Variants in NRXN1 observed in about 807,000 individuals in gnomAD.
The protein encoded by NRXN1 is neurexin-1.
In NRXN1, 39 loss-of-function variants were observed where a neutral mutation model predicts 150.9. The ratio of observed to expected loss-of-function variants is 0.26; its 90% CI spans 0.20 to 0.34. The LOEUF (loss-of-function observed/expected upper bound fraction) is 0.34. NRXN1 is among the 10% of genes least tolerant of loss of function. The pLI is 1.00. For missense variants in NRXN1, 1,815 were observed against 1,949.9 expected (o/e 0.93, Z 1.30); for synonymous variants, 924 against 757.0 (o/e 1.22, Z -3.62).
chr2:50,329,411 G>T (rs984076387), intron 17 of NRXN1, among the ~76,000 whole-genome samples: 1 of 150,548 alleles, frequency 6.6e-6, no homozygotes, highest in Non-Finnish European at 1.5e-5. Flanking sequence ...AATCTGGGAG[G>T]CCCATTGTGC....
At chr2:50,904,041 C>T (rs1683317748) in intron 5 of NRXN1, among the ~76,000 whole-genome samples, 1 of 152,108 alleles carries the variant, frequency 6.6e-6, no homozygotes, top group Non-Finnish European at 1.5e-5. Context: ...GCAAGGGCTC[C>T]AAGTCCTGCT....
chr2:50,736,315 A>G (rs1210781538), intron 5 of NRXN1, among the ~76,000 whole-genome samples: 1 of 152,072 alleles, frequency 6.6e-6, no homozygotes, highest in Non-Finnish European at 1.5e-5. Context: ...GTTTTCTCAG[A>G]TCCCTTCACT....
intron 5 of NRXN1, among the ~76,000 whole-genome samples, chr2:50,830,318 A>C (rs1407827254): frequency 6.6e-6 from 1 of 152,016 alleles, no homozygotes; most frequent in African/African-American, 2.4e-5. Flanking sequence ...ATTTTGTGAA[A>C]ATGAGCCAAG....
intron 15 of NRXN1, among the ~76,000 whole-genome samples, chr2:50,483,284 C>T (rs2090615601): frequency 1.3e-5 from 2 of 152,056 alleles, no homozygotes; most frequent in Admixed American, 6.6e-5. Context: ...GAATTTCCCA[C>T]TCATTTTCTG....
chr2:50,540,584 A>G (rs933982887), intron 9 of NRXN1, among the ~76,000 whole-genome samples: 2 of 151,848 alleles, frequency 1.3e-5, no homozygotes, highest in African/African-American at 4.8e-5. Context: ...TTAATGACAA[A>G]AGGAAAGGTG....
intron 5 of NRXN1, among the ~76,000 whole-genome samples, chr2:50,686,453 G>C (rs1204171200): frequency 6.6e-6 from 1 of 152,142 alleles, no homozygotes; most frequent in African/African-American, 2.4e-5. Context: ...TATGTCACTA[G>C]ATACAAGACC....
intron 8 of NRXN1, among the ~76,000 whole-genome samples, chr2:50,602,304 G>C (rs1676405394): frequency 1.3e-5 from 2 of 151,654 alleles, no homozygotes; most frequent in African/African-American, 4.8e-5. Context: ...GAAAAAAGAG[G>C]GTAGAGATCT....
intron 5 of NRXN1, among the ~76,000 whole-genome samples, chr2:50,774,093 G>A (rs1703321973): frequency 6.6e-6 from 1 of 152,064 alleles, no homozygotes; most frequent in Non-Finnish European, 1.5e-5. Context: ...AAGGAATGCT[G>A]GCAGGAGGCT....
At chr2:51,019,686 G>T (rs1167839402) in intron 2 of NRXN1, among the ~76,000 whole-genome samples, 1 of 152,048 alleles carries the variant, frequency 6.6e-6, no homozygotes, top group Non-Finnish European at 1.5e-5. Context: ...TCCAGCAGTT[G>T]AGTTGTTCTA....
intron 19 of NRXN1, among the ~76,000 whole-genome samples, chr2:50,065,633 C>A (rs1402131912): frequency 6.6e-6 from 1 of 152,126 alleles, no homozygotes; most frequent in Non-Finnish European, 1.5e-5. Context: ...GATCAAAGAC[C>A]TATAACAGTG....
In NRXN1 at chr2:50,387,915, G is replaced by A. The variant is rs561437457; in HGVS notation, c.3364+77527C>T. ...GGACAATAAATATCAAATCCACTAG[G>A]GGCTTGGGTAATGAAACACACGTCT... On this transcript the variant is annotated intron_variant, in intron 17 of 22. Transcript: ENST00000401669. Among the ~76,000 whole-genome samples, 72 of 152,210 alleles carry A rather than the reference G, an allele frequency of 4.7e-4. 1 individual carries two copies. Among genetic ancestry groups the A allele is most frequent in the African/African-American group, 1.7e-3 (71 of 41,548 alleles).
chr2:50,816,105 G>GT (rs1452004404), intron 5 of NRXN1, among the ~76,000 whole-genome samples: 2 of 151,988 alleles, frequency 1.3e-5, no homozygotes, highest in Non-Finnish European at 2.9e-5. Context: ...TTAAAATATT[G>GT]TATCTTTTTG....
chr2:50,822,442 T>C (rs1671907528), intron 5 of NRXN1, among the ~76,000 whole-genome samples: 1 of 152,128 alleles, frequency 6.6e-6, no homozygotes, highest in South Asian at 2.1e-4. Context: ...TAAAAATAAA[T>C]ATTTTTCTGC....
At chr2:50,275,675 T>A (rs946913687) in intron 17 of NRXN1, among the ~76,000 whole-genome samples, 4 of 152,104 alleles carry the variant, frequency 2.6e-5, no homozygotes, top group African/African-American at 9.7e-5. Flanking sequence ...TTGAGTCCCT[T>A]CTAATTCACT....
chr2:50,921,849 G>A lies in NRXN1; in HGVS notation c.832+20C>T, dbSNP rs201770560. ...TAATTCATACAGATGATATTAAGAA[G>A]AAATAAAATAATGTAATACCTTTAC... On this transcript the variant is annotated intron_variant, in intron 5 of 22. Coordinates refer to ENST00000401669, the MANE Select transcript of NRXN1 (RefSeq NM_001330078.2). 1 of 1,255,040 alleles carries A rather than the reference G, an allele frequency of 8.0e-7. No individual in the cohort carries two copies. The highest frequency in any genetic ancestry group is 1.8e-5 in the South Asian group (1 of 56,160). The allele number at this position is 1,255,040 out of a possible 1,614,324, so 77.7% of individuals were successfully genotyped here. A position where few individuals can be genotyped will look rare whatever the true frequency, so the allele number is the denominator to read the frequency against.
intron 5 of NRXN1, among the ~76,000 whole-genome samples, chr2:50,767,031 T>C (rs1702462087): frequency 6.6e-6 from 1 of 152,092 alleles, no homozygotes; most frequent in South Asian, 2.1e-4. Context: ...TTCCTGGTCC[T>C]GACTAACTTG....
At chr2:50,089,552 C>T (rs1023319192) in intron 19 of NRXN1, among the ~76,000 whole-genome samples, 5 of 151,956 alleles carry the variant, frequency 3.3e-5, no homozygotes, top group Admixed American at 1.3e-4. Flanking sequence ...TTTGGGAGGC[C>T]GAGGCAGGAA....
chr2:50,485,018 G>A (rs2090764152), intron 15 of NRXN1, among the ~76,000 whole-genome samples: 3 of 152,208 alleles, frequency 2.0e-5, no homozygotes, highest in Non-Finnish European at 1.5e-5. Context: ...CGTAGACCTG[G>A]GTTCAAATTC....
chr2:50,234,569 GTCTA>G (rs1181265793), intron 18 of NRXN1, among the ~76,000 whole-genome samples: 1 of 152,040 alleles, frequency 6.6e-6, no homozygotes, highest in Non-Finnish European at 1.5e-5. Context: ...AGTCTGTAAT[GTCTA>G]ATCACCTCTT....
Sources: gnomAD v4.1 joint callset for allele counts (sites outside exome capture counted in the v4.1 genomes callset) on GRCh38, gnomAD v4.1.1 for gene constraint, MANE v1.5 for transcripts, NCBI Gene and HGNC (gene_info 2026-07-23, HGNC 2026-07-21) for gene names.